The following SLC11A2 variants were observed in gnomAD, a reference collection of about 807,000 sequenced individuals.
SLC11A2 encodes the protein natural resistance-associated macrophage protein 2.
Under a neutral mutation model 68.0 loss-of-function variants are expected in SLC11A2, and 38 were observed. The ratio of observed to expected loss-of-function variants is 0.56; its 90% CI spans 0.43 to 0.73. The LOEUF (loss-of-function observed/expected upper bound fraction) is 0.73, where lower values mean the gene tolerates loss of function less well. Among genes scored for constraint, SLC11A2 ranks in the 30% least tolerant of loss-of-function variants. SLC11A2 has a pLI of 0.00. For missense variants in SLC11A2, 517 were observed against 690.5 expected (o/e 0.75, Z 2.82); for synonymous variants, 242 against 250.6 (o/e 0.97, Z 0.32).
the SLC11A2 span, among the ~76,000 whole-genome samples, chr12:50,962,333 T>G: frequency 6.6e-6 from 1 of 150,776 alleles, no homozygotes; most frequent in Non-Finnish European, 1.5e-5. Context: ...ATCGCTTGAA[T>G]CTGGGAGGTG....
the SLC11A2 span, among the ~76,000 whole-genome samples, chr12:50,968,978 C>T: frequency 3.3e-5 from 5 of 152,218 alleles, no homozygotes; most frequent in East Asian, 3.9e-4. Context: ...CACCACGCAC[C>T]GCATTTATAT....
chr12:50,968,519 T>G, the SLC11A2 span, among the ~76,000 whole-genome samples: 2 of 152,142 alleles, frequency 1.3e-5, no homozygotes, highest in Non-Finnish European at 2.9e-5. Context: ...CCCTAGCAGC[T>G]GGGACTACAG....
At chr12:50,973,666 A>C in the SLC11A2 span, among the ~76,000 whole-genome samples, 1 of 152,234 alleles carries the variant, frequency 6.6e-6, no homozygotes, top group African/African-American at 2.4e-5. Flanking sequence ...TGAGAGAAGA[A>C]GGCTACAGAT....
chr12:50,979,051 T>A (rs1004891671), downstream of SLC11A2, among the ~76,000 whole-genome samples: 11 of 152,200 alleles, frequency 7.2e-5, no homozygotes, highest in Non-Finnish European at 7.3e-5. Context: ...CTCTATAGTG[T>A]TGAACCCCAG....
At chr12:51,000,454 T>A (rs373996816) in intron 5 of SLC11A2, 35 bp from the exon 6 acceptor site, 2 of 1,509,510 alleles carry the variant, frequency 1.3e-6, no homozygotes, top group African/African-American at 2.7e-5. Flanking sequence ...ACGGTTCTGA[T>A]TAATCATTTC....
At chr12:50,975,768 G>C (rs1939840099), downstream of SLC11A2, among the ~76,000 whole-genome samples, 2 of 152,076 alleles carry the variant, frequency 1.3e-5, no homozygotes, top group Non-Finnish European at 2.9e-5. Flanking sequence ...GAAGAAAAGA[G>C]AGAAGAATCA....
At chr12:50,998,772 T>C (rs1941954850) in intron 8 of SLC11A2, among the ~76,000 whole-genome samples, 1 of 152,174 alleles carries the variant, frequency 6.6e-6, no homozygotes, top group Non-Finnish European at 1.5e-5. Context: ...GTTTTAATAT[T>C]GGGAAAGTTC....
In SLC11A2 at chr12:51,014,802, G is replaced by A. The variant is rs188962192; in HGVS notation, c.-38-4036C>T. Among the ~76,000 whole-genome samples the A allele has an allele frequency of 9.9e-5, 15 of 152,096 alleles. No individual in the cohort carries two copies. In the East Asian group the frequency reaches 2.1e-3, roughly 22 times the overall value. On this transcript the variant is annotated intron_variant, in intron 1 of 15. Transcript: ENST00000262052. ...CAGGAGGTAGAGGTTGCAGTGAGCC[G>A]AGATCATGCCACTGAACTCCAGCCT... is the stretch of plus-strand genomic sequence containing the variant.
downstream of SLC11A2, among the ~76,000 whole-genome samples, chr12:50,984,812 C>G (rs1449909383): frequency 6.6e-6 from 1 of 152,142 alleles, no homozygotes; most frequent in African/African-American, 2.4e-5. Flanking sequence ...CATATTCTAG[C>G]ACTAATCAGA....
At chr12:50,981,690 A>G, downstream of SLC11A2, 2 of 1,420,276 alleles carry the variant, frequency 1.4e-6, no homozygotes, top group South Asian at 1.2e-5. Context: ...AAGGGCTTAG[A>G]AAAACATGTT....
At chr12:50,967,352 G>A in the SLC11A2 span, among the ~76,000 whole-genome samples, 3 of 152,042 alleles carry the variant, frequency 2.0e-5, no homozygotes, top group African/African-American at 7.2e-5. Context: ...TCCCTATGTT[G>A]CCCAGGCAAG....
At chr12:50,996,658 C>T (rs1014156263) in intron 9 of SLC11A2, among the ~76,000 whole-genome samples, 159 bp downstream of exon 9, 2 of 151,702 alleles carry the variant, frequency 1.3e-5, no homozygotes, top group African/African-American at 2.4e-5. Context: ...GTGATAAAAA[C>T]AGCATCTAAG....
chr12:51,000,051 C>G (rs529060866), intron 6 of SLC11A2, among the ~76,000 whole-genome samples: 1 of 151,902 alleles, frequency 6.6e-6, no homozygotes, highest in East Asian at 1.9e-4. Flanking sequence ...TAGTATCTAG[C>G]GGGATAAAAT....
At chr12:50,970,309 A>C in the SLC11A2 span, 1 of 656,670 alleles carries the variant, frequency 1.5e-6, no homozygotes, top group Admixed American at 3.1e-5. Flanking sequence ...CAAACCAAAA[A>C]CTAGTAAGAA....
In SLC11A2 at chr12:50,986,924, G is replaced by C. The variant is rs1320499725; in HGVS notation, c.*1401C>G. The C allele has an allele frequency of 3.1e-6, 4 of 1,287,186 alleles. No homozygotes were observed. Among genetic ancestry groups the C allele is most frequent in the Non-Finnish European group, 4.0e-6 (4 of 988,684 alleles). The allele number at this position is 1,287,186 out of a possible 1,614,324, so 79.7% of individuals were successfully genotyped here. A position where few individuals can be genotyped will look rare whatever the true frequency, so the allele number is the denominator to read the frequency against. On this transcript the variant is annotated 3_prime_UTR_variant, in exon 16 of 16. Transcript: ENST00000262052. Reference sequence around the variant, plus strand: ...CGAACACCAATCAGCCAGGACTCTGGAAGGAAAGCTCCAAAAATGAGAAGT... The same window carrying C: ...CGAACACCAATCAGCCAGGACTCTGCAAGGAAAGCTCCAAAAATGAGAAGT...
At chr12:50,999,270 A>C in intron 7 of SLC11A2, 29 bp from the exon 8 acceptor site, 1 of 1,613,184 alleles carries the variant, frequency 6.2e-7, no homozygotes, top group Non-Finnish European at 8.5e-7. Flanking sequence ...CAGTGAGCTC[A>C]GAGAAGGTAG....
intron 1 of SLC11A2, among the ~76,000 whole-genome samples, chr12:51,022,377 G>C (rs775907297): frequency 1.1e-4 from 16 of 142,552 alleles, no homozygotes; most frequent in Non-Finnish European, 1.5e-4. Context: ...CTTGAGACCA[G>C]CCTGGGCAAC....
downstream of SLC11A2, among the ~76,000 whole-genome samples, chr12:50,974,498 A>G (rs1365806657): frequency 6.6e-6 from 1 of 152,236 alleles, no homozygotes; most frequent in African/African-American, 2.4e-5. Flanking sequence ...AGCATTAAAC[A>G]TAGAAAGGAA....
At position 50,996,969 on chromosome 12, in the gene SLC11A2, C is replaced by T. The variant is rs1276190960; in HGVS notation, c.679G>A (p.Val227Ile). 6.2e-7 allele frequency: 1 copy of T among 1,613,706 alleles called. No homozygotes were observed. The highest frequency in any genetic ancestry group is 1.7e-5 in the Admixed American group (1 of 60,010). ...TGGCTCTGGCTGGGTTTCACTGTAA[C>T]ATACTACATACCAACATAACAATGA... ...IMALTFGYEY[V>I]TVKPSQSQVL... The change falls in exon 9 of 16, where the codon GTT (valine) becomes ATT (isoleucine). Residue 227 changes from valine to isoleucine, a missense_variant. Physicochemically the swap from Val to Ile is conservative, Grantham distance 29. Transcript: ENST00000262052.
Sources: allele counts gnomAD v4.1 joint callset (sites outside exome capture counted in the v4.1 genomes callset), GRCh38; gene constraint gnomAD v4.1.1; transcripts MANE v1.5; gene names NCBI Gene and HGNC (gene_info 2026-07-23, HGNC 2026-07-21).